Variants in ZBTB7C observed in about 807,000 individuals in gnomAD.
The protein encoded by ZBTB7C is zinc finger and BTB domain-containing protein 7C.
Under a neutral mutation model 25.7 loss-of-function variants are expected in ZBTB7C, and 8 were observed. The ratio of observed to expected loss-of-function variants is 0.31; its 90% CI spans 0.18 to 0.56. The LOEUF is 0.56. Among genes scored for constraint, ZBTB7C ranks in the 20% least tolerant of loss-of-function variants. The probability of loss-of-function intolerance (pLI) is 0.91; values close to 1 mark genes in which losing one functional copy is unlikely to be tolerated. For synonymous variants in ZBTB7C, 394 were observed against 369.0 expected (o/e 1.07, Z -0.78); for missense variants, 824 against 855.2 (o/e 0.96, Z 0.46).
Position 48,077,505 on chromosome 18 carries a change from C to T in ZBTB7C, c.-16-36382G>A, listed in dbSNP as rs572773758. On this transcript the variant is annotated intron_variant, in intron 3 of 4. Transcript: ENST00000590800. ...GTGGGGCACACCCTATCCAACTTGG[C>T]GAGTCTGAGCCTAGTACAGGGCCTG... Among the ~76,000 whole-genome samples the T allele has an allele frequency of 1.5e-3, 221 of 152,278 alleles. 1 individual carries two copies. The highest frequency in any genetic ancestry group is 5.1e-3 in the African/African-American group (210 of 41,556).
At chr18:48,182,289 T>C (rs1387472207) in intron 3 of ZBTB7C, among the ~76,000 whole-genome samples, 1 of 152,074 alleles carries the variant, frequency 6.6e-6, no homozygotes, top group Non-Finnish European at 1.5e-5. Flanking sequence ...AGTGTAAACA[T>C]GAAGGAGAAC....
At chr18:48,357,012 A>C (rs974760990) in intron 1 of ZBTB7C, among the ~76,000 whole-genome samples, 1 of 152,230 alleles carries the variant, frequency 6.6e-6, no homozygotes, top group Admixed American at 6.5e-5. Flanking sequence ...CAGGCCTGAG[A>C]CAGGACTCCT....
intron 3 of ZBTB7C, among the ~76,000 whole-genome samples, chr18:48,135,561 C>A (rs2040124694): frequency 6.6e-6 from 1 of 152,030 alleles, no homozygotes; most frequent in Non-Finnish European, 1.5e-5. Context: ...TCTATGCAGC[C>A]CAGGTTGTGC....
intron 2 of ZBTB7C, among the ~76,000 whole-genome samples, chr18:48,236,699 G>A (rs1299038364): frequency 1.3e-5 from 2 of 152,106 alleles, no homozygotes; most frequent in Admixed American, 6.6e-5. Context: ...GAATAGTGAG[G>A]GCTAACTGTG....
intron 1 of ZBTB7C, among the ~76,000 whole-genome samples, chr18:48,370,714 G>A (rs1048942687): frequency 6.6e-5 from 10 of 151,782 alleles, no homozygotes; most frequent in Admixed American, 1.3e-4. Context: ...CAACACACAC[G>A]CACATACAAA....
intron 3 of ZBTB7C, among the ~76,000 whole-genome samples, chr18:48,061,677 A>G: frequency 6.6e-6 from 1 of 152,238 alleles, no homozygotes; most frequent in East Asian, 1.9e-4. Context: ...GCAGGGTCCC[A>G]TGACATATTT....
intron 2 of ZBTB7C, among the ~76,000 whole-genome samples, chr18:48,226,551 C>T (rs2043099457): frequency 6.6e-6 from 1 of 152,204 alleles, no homozygotes; most frequent in Admixed American, 6.5e-5. Flanking sequence ...TTTTAGATTG[C>T]ATGTGCATGA....
chr18:48,148,159 A>G (rs1181748561), intron 3 of ZBTB7C: 1 of 122,594 alleles, frequency 8.2e-6, no homozygotes, highest in East Asian at 2.4e-4. Context: ...ACCACGGCTA[A>G]TTTTTTTTTT....
At chr18:48,390,769 G>A (rs1388894858) in intron 1 of ZBTB7C, among the ~76,000 whole-genome samples, 3 of 152,214 alleles carry the variant, frequency 2.0e-5, no homozygotes, top group Non-Finnish European at 4.4e-5. Context: ...TATCTCAAAA[G>A]AGATTGCATG....
chr18:48,347,978 C>G (rs2046780011), intron 1 of ZBTB7C, among the ~76,000 whole-genome samples: 2 of 152,356 alleles, frequency 1.3e-5, no homozygotes, highest in African/African-American at 4.8e-5. Flanking sequence ...TTTCTGTGAG[C>G]CCACAGCCCT....
chr18:48,036,867 G>C (rs2035995563), intron 4 of ZBTB7C, among the ~76,000 whole-genome samples: 1 of 152,210 alleles, frequency 6.6e-6, no homozygotes, highest in Admixed American at 6.5e-5. Flanking sequence ...CTTGGCCACA[G>C]GGAGAATTAC....
chr18:48,335,043 T>C (rs1215823316), intron 2 of ZBTB7C, among the ~76,000 whole-genome samples: 1 of 152,212 alleles, frequency 6.6e-6, no homozygotes, highest in Non-Finnish European at 1.5e-5. Flanking sequence ...TGCAGGGGGC[T>C]GCCTCCTCCA....
At chr18:48,371,739 T>C (rs886581324) in intron 1 of ZBTB7C, among the ~76,000 whole-genome samples, 4 of 152,208 alleles carry the variant, frequency 2.6e-5, no homozygotes, top group Admixed American at 6.5e-5. Flanking sequence ...GTACTTCTGA[T>C]GTGGCAGGTT....
intron 1 of ZBTB7C, among the ~76,000 whole-genome samples, chr18:48,401,313 G>A (rs1487317695): frequency 2.6e-5 from 4 of 152,154 alleles, no homozygotes; most frequent in Non-Finnish European, 5.9e-5. Context: ...ATAAATAACA[G>A]TGGCTCCCCT....
chr18:48,195,625 C>T (rs780602831), intron 2 of ZBTB7C, among the ~76,000 whole-genome samples: 4 of 152,156 alleles, frequency 2.6e-5, no homozygotes, highest in Non-Finnish European at 5.9e-5. Context: ...ATACATATGG[C>T]ACTGCCTACA....
At chr18:48,270,162 T>A (rs12965043) in intron 2 of ZBTB7C, among the ~76,000 whole-genome samples, 61 of 150,620 alleles carry the variant, frequency 4.0e-4, no homozygotes, top group Non-Finnish European at 6.5e-4. Context: ...ACAAAGAAAG[T>A]AGAAGAGATA....
intron 2 of ZBTB7C, among the ~76,000 whole-genome samples, chr18:48,205,721 G>A (rs969688226): frequency 1.3e-5 from 2 of 151,946 alleles, no homozygotes; most frequent in African/African-American, 2.4e-5. Context: ...AAGTATTGGC[G>A]AGGATGTATA....
intron 3 of ZBTB7C, among the ~76,000 whole-genome samples, chr18:48,128,332 A>G (rs4940274): frequency 0.83 from 125,717 of 152,256 alleles, 51,988 homozygotes; most frequent in Non-Finnish European, 0.84. Flanking sequence ...CCCCTTCCCC[A>G]AATAAACAAC....
intron 2 of ZBTB7C, among the ~76,000 whole-genome samples, chr18:48,259,761 T>C (rs1311545871): frequency 6.6e-6 from 1 of 152,072 alleles, no homozygotes; most frequent in Non-Finnish European, 1.5e-5. Context: ...CCATGAAAAA[T>C]GTTCTGTGTC....
Sources: gnomAD v4.1 joint callset for allele counts (sites outside exome capture counted in the v4.1 genomes callset) on GRCh38, gnomAD v4.1.1 for gene constraint, MANE v1.5 for transcripts, NCBI Gene and HGNC (gene_info 2026-07-23, HGNC 2026-07-21) for gene names.